Variants in WDR70 observed in about 807,000 individuals in gnomAD.
WDR70 encodes WD repeat domain 70.
Under a neutral mutation model 88.6 loss-of-function variants are expected in WDR70, and 53 were observed. That is an observed-to-expected ratio of 0.60 (90% CI 0.48 to 0.75). The LOEUF is 0.75. Among genes scored for constraint, WDR70 ranks in the 30% least tolerant of loss-of-function variants. The pLI is 0.00. For synonymous variants in WDR70, 280 were observed against 270.0 expected (o/e 1.04, Z -0.36); for missense variants, 610 against 823.2 (o/e 0.74, Z 3.17).
intron 5 of WDR70, among the ~76,000 whole-genome samples, chr5:37,399,030 G>A (rs1226604978): frequency 7.9e-5 from 12 of 152,164 alleles, no homozygotes; most frequent in Non-Finnish European, 1.8e-4. Flanking sequence ...TGTAATCCCA[G>A]CACTTTGGGA....
intron 5 of WDR70, among the ~76,000 whole-genome samples, chr5:37,433,709 T>A (rs1750384574): frequency 6.6e-6 from 1 of 152,230 alleles, no homozygotes; most frequent in Non-Finnish European, 1.5e-5. Context: ...CTAGATAACC[T>A]CTATTTTTTG....
chr5:37,541,645 C>CT (rs1199789798), intron 9 of WDR70, among the ~76,000 whole-genome samples: 5 of 151,978 alleles, frequency 3.3e-5, no homozygotes, highest in Non-Finnish European at 7.4e-5. Context: ...CATTCTAATT[C>CT]TTTTTTAAAA....
At position 37,697,714 on chromosome 5, in the gene WDR70, G is replaced by A; in HGVS notation, c.1152G>A (p.Val384=). 1 of 1,613,756 alleles carries A rather than the reference G, an allele frequency of 6.2e-7. No homozygotes were observed. ...AHDSGTDTSC[V]TFSYDGNVLA... ...ACTCGGGCACAGACACTTCTTGCGTGACTTTTTCCTATGATGGTAATGTCC... is the reference window on the plus strand; with the variant it reads ...ACTCGGGCACAGACACTTCTTGCGTAACTTTTTCCTATGATGGTAATGTCC... Residue 384 remains valine (V), a synonymous_variant, in exon 11 of 18, where the codon GTG becomes GTA. Coordinates refer to ENST00000265107, the MANE Select transcript of WDR70 (RefSeq NM_018034.4).
chr5:37,504,857 G>A (rs1255758734), intron 8 of WDR70, among the ~76,000 whole-genome samples: 1 of 152,142 alleles, frequency 6.6e-6, no homozygotes, highest in Non-Finnish European at 1.5e-5. Context: ...TTTGGACACA[G>A]CTAGTATCCC....
chr5:37,431,181 C>T (rs1179404622), intron 5 of WDR70, among the ~76,000 whole-genome samples: 7 of 152,192 alleles, frequency 4.6e-5, no homozygotes, highest in African/African-American at 7.2e-5. Flanking sequence ...TGACTGTCAT[C>T]GGATTGCAAG....
At chr5:37,612,437 C>A (rs1189881978) in intron 10 of WDR70, among the ~76,000 whole-genome samples, 1 of 152,004 alleles carries the variant, frequency 6.6e-6, no homozygotes, top group Non-Finnish European at 1.5e-5. Context: ...TTCTCATTTT[C>A]TTTATTTACA....
chr5:37,544,396 A>G, intron 9 of WDR70, among the ~76,000 whole-genome samples: 1 of 152,222 alleles, frequency 6.6e-6, no homozygotes, highest in East Asian at 1.9e-4. Flanking sequence ...AACATATGTT[A>G]TACTTGGGGT....
rs1207715239 is a variant in WDR70 at position 37,466,503 on chromosome 5, G to A, written c.687-13331G>A. On this transcript the variant is annotated intron_variant, in intron 7 of 17. Coordinates refer to ENST00000265107, the MANE Select transcript of WDR70 (RefSeq NM_018034.4). ...GGGCAGATCATGAGGTCAGGAGATC[G>A]AGACCATCCTTACTAAGATGGTGAA... Among the ~76,000 whole-genome samples, 5 of 151,552 alleles carry A rather than the reference G, an allele frequency of 3.3e-5. No homozygotes were observed. The East Asian group carries it at 7.8e-4, about 24-fold the overall frequency.
intron 9 of WDR70, among the ~76,000 whole-genome samples, chr5:37,557,274 A>G (rs1311266698): frequency 6.6e-6 from 1 of 151,886 alleles, no homozygotes; most frequent in Non-Finnish European, 1.5e-5. Context: ...GATGTTAATG[A>G]CCAGCCAAGT....
At chr5:37,616,530 G>GC (rs1744348776) in intron 10 of WDR70, among the ~76,000 whole-genome samples, 3 of 152,066 alleles carry the variant, frequency 2.0e-5, no homozygotes, top group Non-Finnish European at 4.4e-5. Context: ...TCTCCCACAA[G>GC]CCCCCCGCTG....
chr5:37,407,198 A>G (rs770921034), intron 5 of WDR70, among the ~76,000 whole-genome samples: 2 of 152,092 alleles, frequency 1.3e-5, no homozygotes, highest in Non-Finnish European at 1.5e-5. Context: ...CTGAATATAA[A>G]GAATAGTATA....
At chr5:37,498,552 C>T (rs1740300593) in intron 8 of WDR70, among the ~76,000 whole-genome samples, 1 of 152,336 alleles carries the variant, frequency 6.6e-6, no homozygotes, top group African/African-American at 2.4e-5. Context: ...TTACCAACTA[C>T]CTACTTGACA....
chr5:37,674,092 T>A (rs1746120966), intron 10 of WDR70, among the ~76,000 whole-genome samples: 1 of 151,706 alleles, frequency 6.6e-6, no homozygotes, highest in African/African-American at 2.4e-5. Context: ...CATGCATGTG[T>A]CTTTATAATA....
intron 3 of WDR70, among the ~76,000 whole-genome samples, chr5:37,389,717 A>T (rs935856354): frequency 1.3e-5 from 2 of 152,124 alleles, no homozygotes; most frequent in Non-Finnish European, 2.9e-5. Flanking sequence ...CGACAGGCCC[A>T]TTCTTAAATC....
chr5:37,717,921 A>G lies in WDR70; in HGVS notation c.1417-3194A>G, dbSNP rs1346888857. Reference sequence around the variant, plus strand: ...ATTTTGTTTCTTCATTTCGTGTTTTAGAATCCTTGTAGTATTTGATTAATA... The same window carrying G: ...ATTTTGTTTCTTCATTTCGTGTTTTGGAATCCTTGTAGTATTTGATTAATA... On this transcript the variant is annotated intron_variant, in intron 13 of 17. Transcript: ENST00000265107. 2.6e-5 allele frequency among the ~76,000 whole-genome samples: 4 copies of G among 152,236 alleles called. No homozygotes were observed. The East Asian group carries it at 7.7e-4, about 29-fold the overall frequency.
intron 10 of WDR70, among the ~76,000 whole-genome samples, chr5:37,693,844 A>G (rs1746893637): frequency 6.6e-6 from 1 of 152,238 alleles, no homozygotes; most frequent in Non-Finnish European, 1.5e-5. Context: ...ACAGAAGCCA[A>G]AATAGACAAT....
intron 7 of WDR70, among the ~76,000 whole-genome samples, chr5:37,478,992 A>G (rs1415468003): frequency 6.6e-6 from 1 of 152,174 alleles, no homozygotes; most frequent in Non-Finnish European, 1.5e-5. Flanking sequence ...GGAGGCTTGA[A>G]AACTTGTTCA....
chr5:37,485,957 C>T lies in WDR70; in HGVS notation c.840+5970C>T, dbSNP rs552772986. On this transcript the variant is annotated intron_variant, in intron 8 of 17. Transcript: ENST00000265107. ...CTCGAACTCCAGACCTCAAGTGATC[C>T]GCCTGCCTTGGCTTCCCAAAGTGCT... 6.0e-5 allele frequency among the ~76,000 whole-genome samples: 9 copies of T among 149,384 alleles called. No homozygotes were observed. In the South Asian group the frequency reaches 1.1e-3, roughly 17 times the overall value.
At chr5:37,409,570 T>C (rs1190867867) in intron 5 of WDR70, among the ~76,000 whole-genome samples, 1 of 151,548 alleles carries the variant, frequency 6.6e-6, no homozygotes, top group East Asian at 1.9e-4. Flanking sequence ...AGTGGTGCGA[T>C]CTCGTCCCCC....
Sources: gnomAD v4.1 joint callset for allele counts (sites outside exome capture counted in the v4.1 genomes callset) on GRCh38, gnomAD v4.1.1 for gene constraint, MANE v1.5 for transcripts, NCBI Gene and HGNC (gene_info 2026-07-23, HGNC 2026-07-21) for gene names.